Variants in MCF2L2 observed in about 807,000 individuals in gnomAD.
The protein encoded by MCF2L2 is MCF.2 cell line derived transforming sequence-like 2.
Under a neutral mutation model 150.2 loss-of-function variants are expected in MCF2L2, and 102 were observed. The observed-to-expected ratio is 0.68, with a 90% CI of 0.58 to 0.80. The LOEUF is 0.80. Ranked by LOEUF, MCF2L2 falls within the 30% of genes least tolerant of loss-of-function variation. The pLI, the probability that MCF2L2 is intolerant of heterozygous loss-of-function variation, is 0.00. For missense variants in MCF2L2, 1,256 were observed against 1,372.8 expected, an observed-to-expected ratio of 0.91 and a Z score of 1.34; for synonymous variants, 465 against 491.3, an observed-to-expected ratio of 0.95 and a Z score of 0.71.
At chr3:183,402,996 C>T (rs975378331) in intron 1 of MCF2L2, among the ~76,000 whole-genome samples, 1 of 151,678 alleles carries the variant, frequency 6.6e-6, no homozygotes. Context: ...AAGCAACAGA[C>T]GAGGCCAGGT....
intron 1 of MCF2L2, among the ~76,000 whole-genome samples, chr3:183,424,086 T>G (rs1030257783): frequency 2.1e-4 from 32 of 152,122 alleles, no homozygotes; most frequent in African/African-American, 7.5e-4. Flanking sequence ...TACAGCAAAT[T>G]TGCAGATATT....
intron 5 of MCF2L2, among the ~76,000 whole-genome samples, chr3:183,333,375 A>AT (rs1221855554): frequency 6.6e-6 from 1 of 152,170 alleles, no homozygotes; most frequent in African/African-American, 2.4e-5. Flanking sequence ...AATTAAAGCT[A>AT]TTTTTTGTTA....
chr3:183,300,626 A>G (rs1320490583), intron 10 of MCF2L2, among the ~76,000 whole-genome samples: 1 of 152,222 alleles, frequency 6.6e-6, no homozygotes, highest in Non-Finnish European at 1.5e-5. Flanking sequence ...AGAGGGACTG[A>G]CACCTGTCCT....
At chr3:183,397,406 G>GGCA (rs1374772190) in intron 1 of MCF2L2, among the ~76,000 whole-genome samples, 1 of 152,174 alleles carries the variant, frequency 6.6e-6, no homozygotes, top group African/African-American at 2.4e-5. Context: ...GGAAGAGGGA[G>GGCA]GCAGCTGTCT....
chr3:183,223,423 G>T lies in MCF2L2; in HGVS notation c.2224C>A (p.Leu742Met), dbSNP rs1463541598. The T allele has an allele frequency of 1.2e-6, 2 of 1,613,962 alleles. No homozygotes were observed. Among genetic ancestry groups the T allele is most frequent in the Non-Finnish European group, 8.5e-7 (1 of 1,179,808 alleles). ...CAYFGVCQRQ[L>M]DHNLPLFKYL... ...TTAAAAAGAGGGAGATTGTGATCCA[G>T]TTGGCGCTGGCATACCTTTAAAAGC... The change falls in exon 20 of 30, where the codon CTG becomes ATG. Residue 742 changes from leucine to methionine, a missense_variant. Leu to Met is a conservative substitution (Grantham distance 15). Coordinates refer to ENST00000328913, the MANE Select transcript of MCF2L2 (RefSeq NM_015078.4).
intron 2 of MCF2L2, among the ~76,000 whole-genome samples, chr3:183,387,504 T>C (rs1713899189): frequency 1.3e-5 from 2 of 152,142 alleles, no homozygotes; most frequent in African/African-American, 4.8e-5. Flanking sequence ...TGGTTCCTTA[T>C]AAAAATTATC....
intron 10 of MCF2L2, among the ~76,000 whole-genome samples, chr3:183,303,826 G>A (rs537257842): frequency 3.7e-4 from 56 of 152,118 alleles, no homozygotes; most frequent in South Asian, 2.1e-4. Context: ...TTTCCTGGGC[G>A]CCCAGGGTCT....
At chr3:183,254,682 G>C (rs1304282563) in intron 15 of MCF2L2, 2 of 152,232 alleles carry the variant, frequency 1.3e-5, no homozygotes, top group South Asian at 4.1e-4. Context: ...GCGGCCACCC[G>C]CCTCCGGCTG....
chr3:183,406,744 CT>C (rs1214102350), intron 1 of MCF2L2, among the ~76,000 whole-genome samples: 1 of 152,178 alleles, frequency 6.6e-6, no homozygotes, highest in Non-Finnish European at 1.5e-5. Context: ...CCACCTTGGC[CT>C]CCCAAAGTGC....
At chr3:183,302,995 C>G (rs538868742) in intron 10 of MCF2L2, among the ~76,000 whole-genome samples, 2 of 152,044 alleles carry the variant, frequency 1.3e-5, no homozygotes, top group South Asian at 4.2e-4. Context: ...GAGATCGAGA[C>G]CATCCTGGCT....
At chr3:183,195,731 C>A (rs1722062005) in intron 25 of MCF2L2, among the ~76,000 whole-genome samples, 1 of 152,124 alleles carries the variant, frequency 6.6e-6, no homozygotes, top group African/African-American at 2.4e-5. Flanking sequence ...CACTGCCTCC[C>A]ACAGCATAAA....
Position 183,224,111 on chromosome 3 carries a change from C to T in MCF2L2, c.2195G>A (p.Cys732Tyr). Residue 732 changes from cysteine to tyrosine, a missense_variant, in exon 19 of 30, where the codon TGC (cysteine) becomes TAC (tyrosine). Physicochemically the swap from Cys to Tyr is radical, Grantham distance 194. Coordinates refer to ENST00000328913, the MANE Select transcript of MCF2L2 (RefSeq NM_015078.4). Reference sequence around the variant, plus strand: ...TCTCAACATTACCCCAAAGTAGGCGCAGTCTTGACACTCTTGCCAGATTGC... The same window carrying T: ...TCTCAACATTACCCCAAAGTAGGCGTAGTCTTGACACTCTTGCCAGATTGC... Reference protein sequence around the residue: ...ARAIWQECQDCAYFGVCQRQL... With the variant: ...ARAIWQECQDYAYFGVCQRQL... 1 of 1,613,604 alleles carries T rather than the reference C, an allele frequency of 6.2e-7. No homozygotes were observed. Among genetic ancestry groups the T allele is most frequent in the East Asian group, 2.2e-5 (1 of 44,878 alleles).
intron 2 of MCF2L2, among the ~76,000 whole-genome samples, chr3:183,381,211 A>G (rs1713506227): frequency 2.0e-5 from 3 of 152,252 alleles, no homozygotes; most frequent in Admixed American, 1.3e-4. Context: ...TGTATTCAAC[A>G]TATCTGAGAC....
intron 22 of MCF2L2, among the ~76,000 whole-genome samples, chr3:183,213,000 G>A (rs1026559640): frequency 4.0e-4 from 61 of 151,684 alleles, no homozygotes; most frequent in African/African-American, 1.4e-3. Context: ...ACTTTGCCTG[G>A]GTCACTAGGA....
chr3:183,398,619 G>A (rs1452847666), intron 1 of MCF2L2, among the ~76,000 whole-genome samples: 1 of 152,044 alleles, frequency 6.6e-6, no homozygotes, highest in Non-Finnish European at 1.5e-5. Flanking sequence ...ACACCCAATT[G>A]CTAACTCTCC....
At chr3:183,329,188 T>C (rs1029953749) in intron 5 of MCF2L2, among the ~76,000 whole-genome samples, 8 of 152,338 alleles carry the variant, frequency 5.3e-5, no homozygotes, top group Admixed American at 6.5e-5. Flanking sequence ...TGAATGTTTA[T>C]AGCAGCTTTA....
At chr3:183,333,177 G>C (rs1730336667) in intron 5 of MCF2L2, among the ~76,000 whole-genome samples, 1 of 152,102 alleles carries the variant, frequency 6.6e-6, no homozygotes, top group South Asian at 2.1e-4. Context: ...CCCCCGAGTA[G>C]CTAGGACTAC....
At chr3:183,204,034 T>C (rs1316806434) in intron 25 of MCF2L2, among the ~76,000 whole-genome samples, 2 of 152,192 alleles carry the variant, frequency 1.3e-5, no homozygotes, top group Non-Finnish European at 2.9e-5. Flanking sequence ...AATAGTCTTT[T>C]CAATCAATGG....
At chr3:183,356,840 A>G (rs368202082) in intron 3 of MCF2L2, among the ~76,000 whole-genome samples, 68 of 152,330 alleles carry the variant, frequency 4.5e-4, no homozygotes, top group African/African-American at 1.6e-3. Context: ...ACTACAAAAA[A>G]GTTTATATTT....
Sources: gnomAD v4.1 joint callset for allele counts (sites outside exome capture counted in the v4.1 genomes callset) on GRCh38, gnomAD v4.1.1 for gene constraint, MANE v1.5 for transcripts, NCBI Gene and HGNC (gene_info 2026-07-23, HGNC 2026-07-21) for gene names.